OSBPL10: variants seen among roughly 807,000 people sequenced by gnomAD.
OSBPL10 encodes oxysterol-binding protein-related protein 10.
In OSBPL10, 49 loss-of-function variants were observed where a neutral mutation model predicts 81.7. That is an observed-to-expected ratio of 0.60 (90% confidence interval 0.48 to 0.76). The LOEUF (loss-of-function observed/expected upper bound fraction) is 0.76. Ranked by LOEUF, OSBPL10 falls within the 30% of genes least tolerant of loss-of-function variation. The pLI is 0.00. For missense variants in OSBPL10, 923 were observed against 987.8 expected, an observed-to-expected ratio of 0.93 and a Z score of 0.88; for synonymous variants, 419 against 383.6, an observed-to-expected ratio of 1.09 and a Z score of -1.08.
chr3:31,774,550 T>C (rs1226138995), intron 4 of OSBPL10, among the ~76,000 whole-genome samples: 1 of 152,026 alleles, frequency 6.6e-6, no homozygotes, highest in East Asian at 2.0e-4. Flanking sequence ...TCTTGCTCTG[T>C]AGCCCAGGCT....
intron 2 of OSBPL10, among the ~76,000 whole-genome samples, chr3:32,003,750 T>C (rs956498651): frequency 6.6e-6 from 1 of 152,142 alleles, no homozygotes; most frequent in Non-Finnish European, 1.5e-5. Context: ...TGCAGGGCAC[T>C]GCAGTGTGTG....
intron 4 of OSBPL10, among the ~76,000 whole-genome samples, chr3:31,748,643 C>CAA (rs5847713): frequency 0.46 from 59,176 of 127,482 alleles, 14,922 homozygotes; most frequent in East Asian, 0.59. Flanking sequence ...CGCTCGCTTG[C>CAA]AAAAAAAAAA....
At chr3:31,989,044 A>G (rs775405001) in intron 2 of OSBPL10, 9 of 1,610,480 alleles carry the variant, frequency 5.6e-6, no homozygotes, top group Middle Eastern at 1.7e-4. Flanking sequence ...GCCTCAGTGA[A>G]GGTCACACTG....
At chr3:31,849,692 T>C (rs1700713993) in intron 3 of OSBPL10, among the ~76,000 whole-genome samples, 1 of 152,190 alleles carries the variant, frequency 6.6e-6, no homozygotes, top group Non-Finnish European at 1.5e-5. Flanking sequence ...TGCAGCCATT[T>C]TAAATGACAG....
chr3:31,990,423 T>C lies in OSBPL10; in HGVS notation n.298+56068A>G, dbSNP rs767682924. On this transcript the variant is annotated intron_variant and non_coding_transcript_variant, in intron 2 of 3. Transcript: ENST00000479173. ...ATCTCGTAGTTCATTGGCGAACTCA[T>C]ACTGGAGAGAAACCTTACAAGTGTA... The C allele has an allele frequency of 6.9e-6, 11 of 1,599,356 alleles. No individual in the cohort carries two copies. The South Asian group carries it at 1.0e-4, about 15-fold the overall frequency.
upstream of OSBPL10, among the ~76,000 whole-genome samples, chr3:31,984,797 A>C (rs1357987871): frequency 6.6e-6 from 1 of 152,252 alleles, no homozygotes. Context: ...TTAGGGTTAG[A>C]CTATGAACTA....
chr3:31,956,638 G>C (rs1468168321), intron 1 of OSBPL10, among the ~76,000 whole-genome samples: 1 of 152,136 alleles, frequency 6.6e-6, no homozygotes, highest in East Asian at 1.9e-4. Flanking sequence ...TGAGGCAGGA[G>C]AATCACCTGA....
At chr3:31,855,549 A>G (rs1700887467) in intron 3 of OSBPL10, among the ~76,000 whole-genome samples, 1 of 152,160 alleles carries the variant, frequency 6.6e-6, no homozygotes, top group African/African-American at 2.4e-5. Flanking sequence ...TCTCCCTCAC[A>G]CAAGTACAAG....
chr3:32,021,108 C>T (rs1699359737), intron 2 of OSBPL10, among the ~76,000 whole-genome samples: 1 of 146,708 alleles, frequency 6.8e-6, no homozygotes, highest in Admixed American at 6.7e-5. Flanking sequence ...CTCATTACCT[C>T]ATTTAACCTT....
chr3:31,919,226 T>A (rs1696844665), intron 1 of OSBPL10, among the ~76,000 whole-genome samples: 1 of 152,178 alleles, frequency 6.6e-6, no homozygotes, highest in African/African-American at 2.4e-5. Flanking sequence ...TTATAATGCT[T>A]TAGTATTAAT....
chr3:31,926,405 T>C (rs1697077827), intron 1 of OSBPL10, among the ~76,000 whole-genome samples: 1 of 151,650 alleles, frequency 6.6e-6, no homozygotes, highest in Non-Finnish European at 1.5e-5. Flanking sequence ...GTCTACAATA[T>C]ACAGGCTAGT....
At chr3:31,800,100 GA>G (rs1699343386) in intron 4 of OSBPL10, among the ~76,000 whole-genome samples, 1 of 152,232 alleles carries the variant, frequency 6.6e-6, no homozygotes, top group African/African-American at 2.4e-5. Flanking sequence ...GTTTTGGGCA[GA>G]AAATGGTCTT....
chr3:31,780,825 C>T (rs1698673649), intron 4 of OSBPL10, among the ~76,000 whole-genome samples: 1 of 146,908 alleles, frequency 6.8e-6, no homozygotes, highest in African/African-American at 2.6e-5. Context: ...TTAAAAATTG[C>T]CCCCCACCCC....
At chr3:31,962,944 CAA>C (rs1027060186) in intron 1 of OSBPL10, among the ~76,000 whole-genome samples, 1 of 152,210 alleles carries the variant, frequency 6.6e-6, no homozygotes, top group African/African-American at 2.4e-5. Flanking sequence ...TGCTTTCAAT[CAA>C]AAGACTTCAC....
At chr3:31,772,374 G>A (rs539947571) in intron 4 of OSBPL10, among the ~76,000 whole-genome samples, 1 of 152,296 alleles carries the variant, frequency 6.6e-6, no homozygotes, top group Admixed American at 6.5e-5. Context: ...ACCACAAATG[G>A]TGAATGAGCA....
intron 4 of OSBPL10, among the ~76,000 whole-genome samples, chr3:31,788,152 C>T (rs1269410138): frequency 1.3e-5 from 2 of 152,104 alleles, no homozygotes; most frequent in Non-Finnish European, 2.9e-5. Context: ...AGAGATAAGC[C>T]TGTATCTAGA....
rs180953007 is a variant in OSBPL10 at position 31,885,398 on chromosome 3, T to C, written c.282-5568A>G. On this transcript the variant is annotated intron_variant, in intron 1 of 11. Coordinates refer to ENST00000396556, the MANE Select transcript of OSBPL10 (RefSeq NM_017784.5). ...ATGCACTCACCCTTGAAGGTGCATT[T>C]GCATATTCACACTCACCTGCACATG... Among the ~76,000 whole-genome samples, 429 of 152,260 alleles carry C rather than the reference T, an allele frequency of 2.8e-3. 3 individuals are homozygous for C. The highest frequency in any genetic ancestry group is 9.5e-3 in the African/African-American group (395 of 41,540).
intron 7 of OSBPL10, among the ~76,000 whole-genome samples, chr3:31,687,527 G>T (rs537953488): frequency 4.6e-4 from 70 of 152,170 alleles, no homozygotes; most frequent in Middle Eastern, 3.4e-3. Context: ...CCTGAGTCAC[G>T]GAATGTCAGA....
intron 3 of OSBPL10, among the ~76,000 whole-genome samples, chr3:31,868,345 A>G (rs919925917): frequency 5.3e-5 from 8 of 152,208 alleles, no homozygotes; most frequent in Admixed American, 3.3e-4. Context: ...ATACATTTGC[A>G]GTGAGGATGG....
Sources: gnomAD v4.1 joint callset for allele counts (sites outside exome capture counted in the v4.1 genomes callset) on GRCh38, gnomAD v4.1.1 for gene constraint, MANE v1.5 for transcripts, NCBI Gene and HGNC (gene_info 2026-07-23, HGNC 2026-07-21) for gene names.